The following ACOD1 variants were observed in gnomAD, a reference collection of about 807,000 sequenced individuals.
ACOD1 encodes cis-aconitate decarboxylase.
In ACOD1, 14 loss-of-function variants were observed where a neutral mutation model predicts 14.2. The ratio of observed to expected loss-of-function variants is 0.99; its 90% CI spans 0.65 to 1.54. ACOD1 has a LOEUF of 1.54. ACOD1 is among the 40% of genes most tolerant of loss of function. The pLI is 0.00. For synonymous variants in ACOD1, 182 were observed against 221.7 expected, an observed-to-expected ratio of 0.82 and a Z score of 1.59; for missense variants, 530 against 586.3, an observed-to-expected ratio of 0.90 and a Z score of 0.99.
intron 1 of ACOD1, among the ~76,000 whole-genome samples, chr13:76,950,010 A>G (rs1399507239): frequency 6.6e-6 from 1 of 152,044 alleles, no homozygotes; most frequent in Non-Finnish European, 1.5e-5. Flanking sequence ...AAGCCCTCAG[A>G]GACATAAAAA....
Position 76,952,616 on chromosome 13 carries a change from C to T in ACOD1, c.140C>T (p.Thr47Met), listed in dbSNP as rs374503575. ...GGTGCTGGGTTCCTGGGAACCACTA[C>T]GGAAGTGTTTCACATAGCCAGCCAA... ...TLGAGFLGTT[T>M]EVFHIASQYS... The change falls in exon 2 of 5, where the codon ACG (threonine) becomes ATG (methionine). Residue 47 changes from threonine (T) to methionine (M), a missense_variant. Coordinates refer to ENST00000377462, the MANE Select transcript of ACOD1 (RefSeq NM_001258406.2). 4.4e-5 allele frequency: 68 copies of T among 1,550,374 alleles called. No individual in the cohort carries two copies. In the Middle Eastern group the frequency reaches 1.2e-3, roughly 27 times the overall value.
chr13:76,954,993 G>C (rs1414157991), intron 3 of ACOD1, among the ~76,000 whole-genome samples: 3 of 151,324 alleles, frequency 2.0e-5, no homozygotes, highest in Non-Finnish European at 4.4e-5. Flanking sequence ...CAGGTGCGGT[G>C]GTGGGCACCT....
Position 76,955,373 on chromosome 13 carries a change from G to A in ACOD1, c.319G>A (p.Ala107Thr). ...TWHPATHPSG[A>T]VLPVLTALAE... ...GCACCCTGCCACCCACCCTTCTGGG[G>A]CTGTCCTTCCTGTCCTCACAGCTTT... Residue 107 changes from alanine (A) to threonine (T), a missense_variant, in exon 4 of 5, where the codon GCT (alanine) becomes ACT (threonine). Ala to Thr is a moderately conservative substitution (Grantham distance 58, BLOSUM62 0). Transcript: ENST00000377462. 6.4e-7 allele frequency: 1 copy of A among 1,550,608 alleles called. No individual in the cohort carries two copies. Among genetic ancestry groups the A allele is most frequent in the Non-Finnish European group, 8.7e-7 (1 of 1,146,992 alleles).
In ACOD1 at chr13:76,957,787, G is replaced by A. The variant is rs2033895184; in HGVS notation, c.1248G>A (p.Glu416=). The part of the protein sequence containing the change: ...YGHWRKPLSQ[E]DLEEKFRANA... Reference sequence around the variant, plus strand: ...ACTGGAGAAAACCACTGAGCCAGGAGGACCTAGAGGAAAAGTTCAGAGCCA... The same window carrying A: ...ACTGGAGAAAACCACTGAGCCAGGAAGACCTAGAGGAAAAGTTCAGAGCCA... The change falls in exon 5 of 5, where the codon GAG becomes GAA. Residue 416 remains glutamate (E), a synonymous_variant. Transcript: ENST00000377462. 4 of 1,550,896 alleles carry A rather than the reference G, an allele frequency of 2.6e-6. No individual in the cohort carries two copies. The highest frequency in any genetic ancestry group is 2.4e-5 in the East Asian group (1 of 40,922).
Position 76,957,484 on chromosome 13 carries a change from T to C in ACOD1, c.945T>C (p.Asn315=). The change falls in exon 5 of 5, where the codon AAT becomes AAC. Residue 315 remains asparagine (N), a synonymous_variant. Coordinates refer to ENST00000377462, the MANE Select transcript of ACOD1 (RefSeq NM_001258406.2). ...AGAGAATTGTGCTCAGGATACCAAATGTCCAGTATGTAAACAGGCCCTTTC... is the reference window on the plus strand; with the variant it reads ...AGAGAATTGTGCTCAGGATACCAAACGTCCAGTATGTAAACAGGCCCTTTC... ...YIKRIVLRIP[N]VQYVNRPFPV... 1 of 1,550,616 alleles carries C rather than the reference T, an allele frequency of 6.4e-7. No individual in the cohort carries two copies.
At chr13:76,955,146 A>AAG in intron 3 of ACOD1, among the ~76,000 whole-genome samples, 173 bp from the exon 4 acceptor site, 1 of 149,136 alleles carries the variant, frequency 6.7e-6, no homozygotes, top group Non-Finnish European at 1.5e-5. Flanking sequence ...AAAAAAAAAA[A>AAG]AAAAAAGAAA....
chr13:76,957,001 G>T lies in ACOD1; in HGVS notation c.471-9G>T. 1 of 1,540,366 alleles carries T rather than the reference G, an allele frequency of 6.5e-7. No individual in the cohort carries two copies. The highest frequency in any genetic ancestry group is 8.8e-7 in the Non-Finnish European group (1 of 1,141,336). On this transcript the variant is annotated splice_polypyrimidine_tract_variant and intron_variant, in intron 4 of 4. Transcript: ENST00000377462. ...TGTACATCTCCAACTCTGCTTCTTT[G>T]CTTTTCAGATTCCATCCCCCTTCCG...
chr13:76,949,603 C>G lies in ACOD1; in HGVS notation c.12+1033C>G, dbSNP rs531532011. On this transcript the variant is annotated intron_variant, in intron 1 of 4. Coordinates refer to ENST00000377462, the MANE Select transcript of ACOD1 (RefSeq NM_001258406.2). ...ATGGATGGTGCAAGTACCTCCAGGGCTCCATGTCACCACCCCACCTCCCCC... is the reference window on the plus strand; with the variant it reads ...ATGGATGGTGCAAGTACCTCCAGGGGTCCATGTCACCACCCCACCTCCCCC... Among the ~76,000 whole-genome samples, 36 of 152,200 alleles carry G rather than the reference C, an allele frequency of 2.4e-4. No individual in the cohort carries two copies. The South Asian group carries it at 7.3e-3, about 31-fold the overall frequency.
Position 76,957,049 on chromosome 13 carries a change from T to C in ACOD1, c.510T>C (p.Ala170=), listed in dbSNP as rs2033883610. The part of the protein sequence containing the change: ...PPSVVGTLGS[A]AAASKFLGLS... The stretch of plus-strand genomic sequence containing the variant: ...CCGTGGTAGGAACGTTGGGTAGTGC[T>C]GCTGCTGCATCCAAGTTTTTAGGAC... Residue 170 remains alanine (A), a synonymous_variant, in exon 5 of 5, where the codon GCT becomes GCC. Coordinates refer to ENST00000377462, the MANE Select transcript of ACOD1 (RefSeq NM_001258406.2). 6.4e-7 allele frequency: 1 copy of C among 1,550,458 alleles called. No individual in the cohort carries two copies.
At position 76,957,634 on chromosome 13, in the gene ACOD1, G is replaced by T. The variant is rs1018323602; in HGVS notation, c.1095G>T (p.Leu365=). Residue 365 remains leucine (L), a synonymous_variant, in exon 5 of 5, where the codon CTG becomes CTT. Coordinates refer to ENST00000377462, the MANE Select transcript of ACOD1 (RefSeq NM_001258406.2). ...TCAACAGGCCACAGGTGAGAGAGCT[G>T]CTCAGTAAGGTGGAGCTGGAGTACC... ...CQINRPQVRE[L]LSKVELEYPP... is the part of the protein sequence containing the mutation. 3 of 1,550,506 alleles carry T rather than the reference G, an allele frequency of 1.9e-6. No homozygotes were observed. Among genetic ancestry groups the T allele is most frequent in the South Asian group, 2.4e-5 (2 of 84,070 alleles).
At chr13:76,955,284 A>T (rs879693649) in intron 3 of ACOD1, 35 bp from the exon 4 acceptor site, 1 of 1,526,332 alleles carries the variant, frequency 6.6e-7, no homozygotes, top group South Asian at 1.2e-5. Context: ...GGAAAATTTA[A>T]GGCTTTTTGT....
chr13:76,949,511 G>A (rs937518951), intron 1 of ACOD1, among the ~76,000 whole-genome samples: 1 of 152,112 alleles, frequency 6.6e-6, no homozygotes, highest in African/African-American at 2.4e-5. Context: ...ACAGGGTGCT[G>A]TTCAGGACTT....
chr13:76,953,572 A>G (rs9530614), intron 2 of ACOD1, 28 bp from the exon 3 acceptor site: 700,440 of 1,329,506 alleles, frequency 0.53, 196,300 homozygotes, highest in Non-Finnish European at 0.59. Context: ...TATTCACACT[A>G]TCACTGGTTG....
At chr13:76,951,077 C>A (rs2033816676) in intron 1 of ACOD1, among the ~76,000 whole-genome samples, 1 of 152,126 alleles carries the variant, frequency 6.6e-6, no homozygotes, top group African/African-American at 2.4e-5. Flanking sequence ...GATGTCTCCA[C>A]CAACAGGGAA....
At position 76,957,531 on chromosome 13, in the gene ACOD1, G is replaced by T. The variant is rs755737247; in HGVS notation, c.992G>T (p.Arg331Leu). 3 of 1,550,486 alleles carry T rather than the reference G, an allele frequency of 1.9e-6. No individual in the cohort carries two copies. The highest frequency in any genetic ancestry group is 2.6e-6 in the Non-Finnish European group (3 of 1,146,996). The change falls in exon 5 of 5, where the codon CGT becomes CTT. Residue 331 changes from arginine (R) to leucine (L), a missense_variant. Coordinates refer to ENST00000377462, the MANE Select transcript of ACOD1 (RefSeq NM_001258406.2). ...TTTCCAGTTTCGGAGCATGAAGCCC[G>T]TCATTCATTCCAGTATGTGGCCTGT... ...RPFPVSEHEARHSFQYVACAM... is the reference protein window; with the variant it reads ...RPFPVSEHEALHSFQYVACAM...
Position 76,957,883 on chromosome 13 carries a change from A to G in ACOD1, c.1344A>G (p.Leu448=). The G allele has an allele frequency of 6.4e-7, 1 of 1,551,044 alleles. No homozygotes were observed. Among genetic ancestry groups the G allele is most frequent in the Non-Finnish European group, 8.7e-7 (1 of 1,147,086 alleles). ...LIKIVKNLED[L]EDCSVLTTLL... ...AGATAGTCAAAAATCTAGAAGACCT[A>G]GAAGACTGTTCTGTGTTAACTACAC... The change falls in exon 5 of 5, where the codon CTA becomes CTG. Residue 448 remains leucine, a synonymous_variant. Transcript: ENST00000377462.
chr13:76,951,362 AGTAGCTGGGATTACAG>A (rs2033819579), intron 1 of ACOD1, among the ~76,000 whole-genome samples: 1 of 152,102 alleles, frequency 6.6e-6, no homozygotes, highest in African/African-American at 2.4e-5. Flanking sequence ...CAGCTTCCTG[AGTAGCTGGGATTACAG>A]GTACCCACCA....
chr13:76,951,818 G>C (rs1337945755), intron 1 of ACOD1, among the ~76,000 whole-genome samples: 1 of 152,082 alleles, frequency 6.6e-6, no homozygotes, highest in Non-Finnish European at 1.5e-5. Flanking sequence ...GTCTAATTTT[G>C]GTGGTCTGGA....
intron 3 of ACOD1, among the ~76,000 whole-genome samples, chr13:76,954,891 G>A (rs1366071682): frequency 6.6e-6 from 1 of 152,104 alleles, no homozygotes. Flanking sequence ...CACTTTGGGA[G>A]GCTGAGGCGG....
Sources: gnomAD v4.1 joint callset for allele counts (sites outside exome capture counted in the v4.1 genomes callset) on GRCh38, gnomAD v4.1.1 for gene constraint, MANE v1.5 for transcripts, NCBI Gene and HGNC (gene_info 2026-07-23, HGNC 2026-07-21) for gene names.